Variants in NLRP8 observed in about 807,000 individuals in gnomAD.
NLRP8 encodes the protein NLR family pyrin domain containing 8.
A neutral mutation model predicts 88.7 loss-of-function variants in NLRP8; 86 were observed. The observed-to-expected ratio is 0.97, with a 90% CI of 0.81 to 1.16. NLRP8 has a LOEUF of 1.16. NLRP8 is among the 50% of genes most tolerant of loss of function. NLRP8 has a pLI of 0.00. For synonymous variants in NLRP8, 504 were observed against 494.6 expected (o/e 1.02, Z -0.25); for missense variants, 1,342 against 1,286.5 (o/e 1.04, Z -0.66).
intron 9 of NLRP8, among the ~76,000 whole-genome samples, chr19:55,983,074 G>A (rs571102641): frequency 1.4e-4 from 21 of 152,290 alleles, no homozygotes; most frequent in Non-Finnish European, 2.4e-4. Flanking sequence ...GATGACAGTC[G>A]TGAGACCTTG....
rs748481881 is a variant in NLRP8 at position 55,970,589 on chromosome 19, C to T, written c.2427C>T (p.Gly809=). 1.7e-5 allele frequency: 28 copies of T among 1,613,912 alleles called. No homozygotes were observed. In the African/African-American group the frequency reaches 2.9e-4, roughly 17 times the overall value. ...CCCCTAGAATTTGGACTGATCTTGG[C>T]AATAATCTTCAAGGTAACGGGCATC... Residue 809 remains glycine (G), a synonymous_variant, in exon 6 of 10, where the codon GGC becomes GGT. Coordinates refer to ENST00000291971, the MANE Select transcript of NLRP8 (RefSeq NM_176811.2).
At chr19:55,981,926 G>A (rs8101323) in intron 9 of NLRP8, among the ~76,000 whole-genome samples, 7,793 of 150,622 alleles carry the variant, frequency 0.052, 666 homozygotes, top group African/African-American at 0.18. Context: ...TTTTTGAGAT[G>A]GAGTCTCACT....
chr19:55,962,140 G>A lies in NLRP8; in HGVS notation c.2116G>A (p.Glu706Lys), dbSNP rs148438060. 5 of 1,614,092 alleles carry A rather than the reference G, an allele frequency of 3.1e-6. No individual in the cohort carries two copies. Among genetic ancestry groups the A allele is most frequent in the Non-Finnish European group, 4.2e-6 (5 of 1,180,032 alleles). The stretch of plus-strand genomic sequence containing the variant: ...TGTGTTTGCAACGAATGATAAGCTG[G>A]AAGTCCTGACTATGACCAACAGTGT... The change falls in exon 4 of 10, where the codon GAA becomes AAA. Residue 706 changes from glutamate (E) to lysine (K), a missense_variant. Physicochemically the swap from Glu to Lys is moderately conservative, Grantham distance 56 (BLOSUM62 1). Transcript: ENST00000291971.
In NLRP8 at chr19:55,954,958, G is replaced by A. The variant is rs759451076; in HGVS notation, c.900G>A (p.Glu300=). 68 of 1,614,040 alleles carry A rather than the reference G, an allele frequency of 4.2e-5. No homozygotes were observed. The highest frequency in any genetic ancestry group is 5.3e-5 in the Non-Finnish European group (62 of 1,180,026). ...CATCTACCCTCATTGACAGACTGGA[G>A]GACCTGAGTGAAGACTGGAGGCAGA... Residue 300 remains glutamate, a synonymous_variant, in exon 3 of 10, where the codon GAG becomes GAA. Coordinates refer to ENST00000291971, the MANE Select transcript of NLRP8 (RefSeq NM_176811.2).
At chr19:55,970,416 G>C in intron 5 of NLRP8, 128 bp from the exon 6 acceptor site, 1 of 1,130,744 alleles carries the variant, frequency 8.8e-7, no homozygotes, top group Non-Finnish European at 1.2e-6. Flanking sequence ...GTGCTGGCCG[G>C]AAAGTTGGAA....
At chr19:55,966,764 C>G (rs1490134056) in intron 5 of NLRP8, among the ~76,000 whole-genome samples, 1 of 152,066 alleles carries the variant, frequency 6.6e-6, no homozygotes, top group East Asian at 1.9e-4. Context: ...TGCAGCAAGC[C>G]AAGATCGTGC....
At chr19:55,959,614 C>T (rs186147954) in intron 3 of NLRP8, among the ~76,000 whole-genome samples, 2 of 152,268 alleles carry the variant, frequency 1.3e-5, no homozygotes, top group East Asian at 3.9e-4. Flanking sequence ...TTGGGTATGT[C>T]CCTGAACCAA....
intron 6 of NLRP8, among the ~76,000 whole-genome samples, chr19:55,973,194 ATACT>A (rs1348066747): frequency 6.6e-6 from 1 of 152,110 alleles, no homozygotes; most frequent in Non-Finnish European, 1.5e-5. Flanking sequence ...CAGTTCCCTG[ATACT>A]TAGTCATGTC....
chr19:55,954,813 C>T lies in NLRP8; in HGVS notation c.755C>T (p.Thr252Ile). ...CATTGCCAAGAGGTGAACCAGACGA[C>T]AGACCAGAGCTTCTCCGAGCTGATT... is the stretch of plus-strand genomic sequence containing the variant. Residue 252 changes from threonine (T) to isoleucine (I), a missense_variant, in exon 3 of 10, where the codon ACA (threonine) becomes ATA (isoleucine). Physicochemically the swap from Thr to Ile is moderately conservative, Grantham distance 89. Coordinates refer to ENST00000291971, the MANE Select transcript of NLRP8 (RefSeq NM_176811.2). 1 of 1,614,212 alleles carries T rather than the reference C, an allele frequency of 6.2e-7. No homozygotes were observed. The highest frequency in any genetic ancestry group is 8.5e-7 in the Non-Finnish European group (1 of 1,180,036).
chr19:55,956,884 C>T (rs1180113955), intron 3 of NLRP8, among the ~76,000 whole-genome samples: 1 of 152,186 alleles, frequency 6.6e-6, no homozygotes, highest in Non-Finnish European at 1.5e-5. Flanking sequence ...CCTCAACCTT[C>T]TGGGCTCAAA....
chr19:55,976,414 C>A (rs1980327089), intron 8 of NLRP8, 111 bp downstream of exon 8: 1 of 930,130 alleles, frequency 1.1e-6, no homozygotes, highest in Non-Finnish European at 1.5e-6. Context: ...CTGGATTGTT[C>A]CCTCCATTGA....
At chr19:55,971,941 G>C (rs1015194198) in intron 6 of NLRP8, among the ~76,000 whole-genome samples, 1 of 151,898 alleles carries the variant, frequency 6.6e-6, no homozygotes, top group Non-Finnish European at 1.5e-5. Context: ...TCATCTGACT[G>C]TTCATCTTAG....
chr19:55,976,181 T>G lies in NLRP8; in HGVS notation c.2754T>G (p.Ser918=). The change falls in exon 8 of 10, where the codon TCT becomes TCG. Residue 918 remains serine, a synonymous_variant. Coordinates refer to ENST00000291971, the MANE Select transcript of NLRP8 (RefSeq NM_176811.2). ...TTAATTGCTGTCAGGATATGATCTCTGCGCTCTGTAAAAATAAAACCCTGA... is the reference window on the plus strand; with the variant it reads ...TTAATTGCTGTCAGGATATGATCTCGGCGCTCTGTAAAAATAAAACCCTGA... 2 of 1,613,752 alleles carry G rather than the reference T, an allele frequency of 1.2e-6. No individual in the cohort carries two copies. Among genetic ancestry groups the G allele is most frequent in the Non-Finnish European group, 1.7e-6 (2 of 1,179,948 alleles).
intron 9 of NLRP8, among the ~76,000 whole-genome samples, chr19:55,985,456 G>A (rs936352465): frequency 3.3e-5 from 5 of 152,116 alleles, no homozygotes; most frequent in Middle Eastern, 3.2e-3. Context: ...ACATGATCAC[G>A]TGACTTCTGA....
intron 4 of NLRP8, among the ~76,000 whole-genome samples, chr19:55,965,172 C>T (rs1034305445): frequency 2.6e-5 from 4 of 151,954 alleles, no homozygotes; most frequent in Admixed American, 1.3e-4. Context: ...CTTTGTAGGC[C>T]GGGTGTGGTG....
intron 8 of NLRP8, among the ~76,000 whole-genome samples, chr19:55,977,658 T>C (rs1980409178): frequency 6.6e-6 from 1 of 151,176 alleles, no homozygotes; most frequent in Non-Finnish European, 1.5e-5. Flanking sequence ...ATTCGTTCTG[T>C]TTTTAATTCT....
chr19:55,978,835 G>A (rs1326479528), intron 8 of NLRP8, among the ~76,000 whole-genome samples: 1 of 152,104 alleles, frequency 6.6e-6, no homozygotes, highest in African/African-American at 2.4e-5. Flanking sequence ...TAGGTAGTAG[G>A]ATTGCTTGAG....
At position 55,973,770 on chromosome 19, in the gene NLRP8, A is replaced by G; in HGVS notation, c.2653A>G (p.Lys885Glu). 1.2e-6 allele frequency: 2 copies of G among 1,614,086 alleles called. No individual in the cohort carries two copies. The highest frequency in any genetic ancestry group is 1.7e-6 in the Non-Finnish European group (2 of 1,179,964). The change falls in exon 7 of 10, where the codon AAG becomes GAG. Residue 885 changes from lysine (K) to glutamate (E), a missense_variant. Lys to Glu is a moderately conservative substitution (Grantham distance 56, BLOSUM62 1). Transcript: ENST00000291971. ...AAACGCCTTGAAAGATGAAGGGGCCAAGCATATTTGGAATGCCCTGCCACA... is the reference window on the plus strand; with the variant it reads ...AAACGCCTTGAAAGATGAAGGGGCCGAGCATATTTGGAATGCCCTGCCACA...
chr19:55,962,253 A>G lies in NLRP8; in HGVS notation c.2213+16A>G, dbSNP rs1317889198. ...AAAAGCTACTGTGAGTATAACACAAATCCCACTGGAAGGAACTTTATGGAG... is the reference window on the plus strand; with the variant it reads ...AAAAGCTACTGTGAGTATAACACAAGTCCCACTGGAAGGAACTTTATGGAG... On this transcript the variant is annotated intron_variant, in intron 4 of 9. Transcript: ENST00000291971. 5 of 1,606,558 alleles carry G rather than the reference A, an allele frequency of 3.1e-6. No individual in the cohort carries two copies. The highest frequency in any genetic ancestry group is 4.2e-6 in the Non-Finnish European group (5 of 1,177,100).
Sources: gnomAD v4.1 joint callset for allele counts (sites outside exome capture counted in the v4.1 genomes callset) on GRCh38, gnomAD v4.1.1 for gene constraint, MANE v1.5 for transcripts, NCBI Gene and HGNC (gene_info 2026-07-23, HGNC 2026-07-21) for gene names.